Variants in PNPT1 observed in about 807,000 individuals in gnomAD.
PNPT1 encodes polyribonucleotide nucleotidyltransferase 1, also known as polyribonucleotide nucleotidyltransferase 1, mitochondrial.
PNPT1 carries 53 observed loss-of-function variants against 119.5 expected under a neutral mutation model. That is an observed-to-expected ratio of 0.44 (90% CI 0.36 to 0.56). The LOEUF (loss-of-function observed/expected upper bound fraction) is 0.56, where lower values mean the gene tolerates loss of function less well. PNPT1 is among the 20% of genes least tolerant of loss of function. The probability of loss-of-function intolerance (pLI) is 0.00; values close to 1 mark genes in which losing one functional copy is unlikely to be tolerated. For synonymous variants in PNPT1, 357 were observed against 322.1 expected, an observed-to-expected ratio of 1.11 and a Z score of -1.16; for missense variants, 948 against 938.5, an observed-to-expected ratio of 1.01 and a Z score of -0.13.
chr2:55,643,175 G>T lies in PNPT1; in HGVS notation c.2052C>A (p.Ala684=). 6 of 1,614,110 alleles carry T rather than the reference G, an allele frequency of 3.7e-6. No individual in the cohort carries two copies. Among genetic ancestry groups the T allele is most frequent in the Non-Finnish European group, 5.1e-6 (6 of 1,179,988 alleles). Residue 684 remains alanine (A), a synonymous_variant, in exon 25 of 28, where the codon GCC becomes GCA. Coordinates refer to ENST00000447944, the MANE Select transcript of PNPT1 (RefSeq NM_033109.5). ...GATATTACCTGATTTCAGTTATTGTGGCGGTATATACTGCTCCAAATTCTA... is the reference window on the plus strand; with the variant it reads ...GATATTACCTGATTTCAGTTATTGTTGCGGTATATACTGCTCCAAATTCTA... ...QQLEFGAVYT[A]TITEIRDTGV...
At chr2:55,672,502 AT>A (rs1423517788) in intron 9 of PNPT1, among the ~76,000 whole-genome samples, 11 of 152,350 alleles carry the variant, frequency 7.2e-5, no homozygotes, top group African/African-American at 2.4e-4. Flanking sequence ...ATTCATTTAC[AT>A]TTACTGAGTG....
chr2:55,640,713 AAAAT>A lies in PNPT1; in HGVS notation c.2070-12_2070-9del, dbSNP rs765955483. ...ACCATTACACCAGTATCTCTACAAA[AAAAT>A]AAATAGTAAGCCTGGTTAAAATAAT... On this transcript the variant is annotated splice_polypyrimidine_tract_variant and intron_variant, in intron 25 of 27. Transcript: ENST00000447944. 1.3e-6 allele frequency: 2 copies of A among 1,514,010 alleles called. No homozygotes were observed. Among genetic ancestry groups the A allele is most frequent in the East Asian group, 2.3e-5 (1 of 44,378 alleles). 93.8% of individuals were successfully genotyped at this position (1,514,010 alleles called of 1,614,324 possible).
rs753996938 is a variant in PNPT1 at position 55,643,364 on chromosome 2, A to G, written c.1968T>C (p.Ala656=). The change falls in exon 24 of 28, where the codon GCT becomes GCC. Residue 656 remains alanine (A), a synonymous_variant. Coordinates refer to ENST00000447944, the MANE Select transcript of PNPT1 (RefSeq NM_033109.5). ...TAATGAAGTCTCTTGCCTCATGCAT[A>G]GCACTGGGTGTTGGTGCAAATACAG... ...TFSVFAPTPS[A]MHEARDFITE... 9.3e-6 allele frequency: 15 copies of G among 1,614,244 alleles called. No individual in the cohort carries two copies. The highest frequency in any genetic ancestry group is 1.3e-5 in the Non-Finnish European group (15 of 1,180,032).
chr2:55,676,146 G>C (rs1382557429), intron 8 of PNPT1, among the ~76,000 whole-genome samples: 2 of 151,036 alleles, frequency 1.3e-5, no homozygotes, highest in African/African-American at 4.9e-5. Flanking sequence ...TGTAGTCCCA[G>C]CTACTTGGGA....
chr2:55,656,691 A>C (rs914959780), intron 15 of PNPT1, among the ~76,000 whole-genome samples: 5 of 152,378 alleles, frequency 3.3e-5, no homozygotes, highest in South Asian at 2.1e-4. Flanking sequence ...AAATATGTAC[A>C]TATTTAAAAA....
intron 3 of PNPT1, 25 bp downstream of exon 3, chr2:55,686,345 T>C (rs1451818046): frequency 3.8e-6 from 6 of 1,577,264 alleles, no homozygotes; most frequent in Non-Finnish European, 5.2e-6. Flanking sequence ...CATATTACAG[T>C]TCAGATAAAT....
At chr2:55,652,162 C>T (rs1431470116) in intron 18 of PNPT1, among the ~76,000 whole-genome samples, 1 of 148,222 alleles carries the variant, frequency 6.7e-6, no homozygotes, top group African/African-American at 2.5e-5. Flanking sequence ...ATTACCTCTT[C>T]AATCTATTAG....
intron 12 of PNPT1, 97 bp from the exon 13 acceptor site, chr2:55,667,190 T>A: frequency 3.6e-6 from 3 of 825,650 alleles, no homozygotes; most frequent in Non-Finnish European, 6.0e-6. Flanking sequence ...CTCAGTTGTG[T>A]ATCATAATCC....
intron 4 of PNPT1, among the ~76,000 whole-genome samples, 163 bp from the exon 5 acceptor site, chr2:55,683,997 T>G (rs1697323805): frequency 6.6e-6 from 1 of 152,210 alleles, no homozygotes; most frequent in Non-Finnish European, 1.5e-5. Context: ...CTTCCATTAT[T>G]ACATACCATG....
rs267599414 is a variant in PNPT1, at chr2:55,667,026, G to A, written c.1141C>T (p.His381Tyr). ...CCTCTTTGAAATAATGCTGATCCAT[G>A]AAGGGTTTTAAACATATCTACCTCA... ...SCEVDMFKTL[H>Y]GSALFQRGQT... Residue 381 changes from histidine (H) to tyrosine (Y), a missense_variant, in exon 13 of 28, where the codon CAT becomes TAT. His to Tyr is a moderately conservative substitution (Grantham distance 83). Transcript: ENST00000447944. 2 of 1,605,622 alleles carry A rather than the reference G, an allele frequency of 1.2e-6. No individual in the cohort carries two copies. The highest frequency in any genetic ancestry group is 2.2e-5 in the East Asian group (1 of 44,682).
intron 15 of PNPT1, among the ~76,000 whole-genome samples, chr2:55,658,313 C>A (rs1433331365): frequency 6.6e-6 from 1 of 151,808 alleles, no homozygotes; most frequent in African/African-American, 2.4e-5. Flanking sequence ...AAAAATGGAG[C>A]CAGGAAATCC....
intron 25 of PNPT1, among the ~76,000 whole-genome samples, chr2:55,642,605 C>CAAAAAAA (rs559417017): frequency 6.8e-5 from 3 of 44,212 alleles, no homozygotes; most frequent in African/African-American, 9.8e-5. Flanking sequence ...GACTCTGTCC[C>CAAAAAAA]AAAAAAAAAA....
intron 9 of PNPT1, 80 bp downstream of exon 9, chr2:55,672,813 C>T: frequency 7.5e-7 from 1 of 1,333,056 alleles, no homozygotes; most frequent in Non-Finnish European, 1.0e-6. Context: ...ATGGGCAGTG[C>T]TTCCATGGGA....
intron 15 of PNPT1, among the ~76,000 whole-genome samples, chr2:55,657,298 C>T (rs957586438): frequency 1.3e-5 from 2 of 151,824 alleles, no homozygotes; most frequent in Non-Finnish European, 2.9e-5. Flanking sequence ...CACTGCACTT[C>T]AGCCTGTGGA....
At chr2:55,656,419 G>T (rs757119743) in intron 15 of PNPT1, 48 bp from the exon 16 acceptor site, 2 of 1,478,584 alleles carry the variant, frequency 1.4e-6, no homozygotes, top group South Asian at 2.5e-5. Flanking sequence ...GACATAGAAA[G>T]ATGTCCAAGT....
chr2:55,650,923 C>A (rs1283231085), intron 18 of PNPT1, among the ~76,000 whole-genome samples: 2 of 151,014 alleles, frequency 1.3e-5, no homozygotes, highest in Non-Finnish European at 3.0e-5. Flanking sequence ...GCCCGGCCAG[C>A]CGCCCCGTCC....
intron 26 of PNPT1, among the ~76,000 whole-genome samples, chr2:55,638,301 C>CA (rs1695738097): frequency 2.3e-5 from 1 of 43,836 alleles, no homozygotes; most frequent in Admixed American, 2.2e-4. Context: ...GACTCTGTCT[C>CA]AGAAAAAAAA....
rs1231779888 is a variant in PNPT1, at chr2:55,679,860, AG to A, written c.566-66del. ...TACCCAGTTTTCAAGACATTATTCC[AG>A]TCATGGCTTCAACCCCATCTTTGAT... On this transcript the variant is annotated intron_variant, in intron 7 of 27. Coordinates refer to ENST00000447944, the MANE Select transcript of PNPT1 (RefSeq NM_033109.5). 4 of 1,107,438 alleles carry A rather than the reference AG, an allele frequency of 3.6e-6. No individual in the cohort carries two copies. The African/African-American group carries it at 6.3e-5, about 18-fold the overall frequency. The allele number at this position is 1,107,438 out of a possible 1,614,324, so 68.6% of individuals were successfully genotyped here.
chr2:55,656,523 G>A, intron 15 of PNPT1, 152 bp from the exon 16 acceptor site: 1 of 718,156 alleles, frequency 1.4e-6, no homozygotes, highest in South Asian at 2.1e-5. Context: ...GAAAACGTAT[G>A]ATATAAATTT....
Sources: gnomAD v4.1 joint callset for allele counts (sites outside exome capture counted in the v4.1 genomes callset) on GRCh38, gnomAD v4.1.1 for gene constraint, MANE v1.5 for transcripts, NCBI Gene and HGNC (gene_info 2026-07-23, HGNC 2026-07-21) for gene names.